The following CELF2 variants were observed in gnomAD, a reference collection of about 807,000 sequenced individuals.
The protein encoded by CELF2 is CUG triplet repeat RNA-binding protein 2.
Under a neutral mutation model 62.6 loss-of-function variants are expected in CELF2, and 8 were observed. That is an observed-to-expected ratio of 0.13 (90% CI 0.07 to 0.23). The LOEUF (loss-of-function observed/expected upper bound fraction) is 0.23. Among genes scored for constraint, CELF2 ranks in the 10% least tolerant of loss-of-function variants. The pLI, the probability that CELF2 is intolerant of heterozygous loss-of-function variation, is 1.00. For missense variants in CELF2, 333 were observed against 671.0 expected, an observed-to-expected ratio of 0.50 and a Z score of 5.56; for synonymous variants, 258 against 250.0, an observed-to-expected ratio of 1.03 and a Z score of -0.30.
At chr10:11,261,730 T>G (rs914957631) in intron 5 of CELF2, among the ~76,000 whole-genome samples, 2 of 152,238 alleles carry the variant, frequency 1.3e-5, no homozygotes, top group African/African-American at 4.8e-5. Context: ...TTTGGGATGC[T>G]CAGCACCTTC....
the CELF2 span, among the ~76,000 whole-genome samples, chr10:10,570,445 G>C: frequency 6.6e-6 from 1 of 151,916 alleles, no homozygotes; most frequent in Non-Finnish European, 1.5e-5. Flanking sequence ...ATTCACCCCA[G>C]GTGAAAGGAA....
At chr10:11,086,360 C>T (rs2141679403) in intron 1 of CELF2, among the ~76,000 whole-genome samples, 1 of 152,100 alleles carries the variant, frequency 6.6e-6, no homozygotes, top group East Asian at 1.9e-4. Context: ...TGAGCTGCGT[C>T]TTTGTGTCTG....
chr10:10,529,776 C>G, the CELF2 span, among the ~76,000 whole-genome samples: 1 of 151,840 alleles, frequency 6.6e-6, no homozygotes, highest in African/African-American at 2.4e-5. Flanking sequence ...AAGCCTAACC[C>G]TGCCTCAGTC....
the CELF2 span, among the ~76,000 whole-genome samples, chr10:10,696,696 A>T: frequency 2.6e-5 from 4 of 152,080 alleles, no homozygotes; most frequent in Admixed American, 2.6e-4. Flanking sequence ...TGTGGGATAT[A>T]GTCTCGTGGT....
the CELF2 span, among the ~76,000 whole-genome samples, chr10:10,553,348 T>G: frequency 3.0e-4 from 45 of 152,216 alleles, no homozygotes; most frequent in African/African-American, 1.0e-3. Flanking sequence ...GAGATCTGGG[T>G]GGAGACACAG....
chr10:10,594,836 G>T, the CELF2 span, among the ~76,000 whole-genome samples: 1 of 151,970 alleles, frequency 6.6e-6, no homozygotes, highest in South Asian at 2.1e-4. Flanking sequence ...ATTCCAAAGG[G>T]TGGGCTGGTT....
the CELF2 span, among the ~76,000 whole-genome samples, chr10:10,634,162 A>G: frequency 1.3e-5 from 2 of 152,110 alleles, no homozygotes; most frequent in Admixed American, 6.5e-5. Context: ...TTAAATCTAT[A>G]TGATGCTATG....
chr10:10,725,744 T>A, the CELF2 span, among the ~76,000 whole-genome samples: 1 of 152,242 alleles, frequency 6.6e-6, no homozygotes, highest in Non-Finnish European at 1.5e-5. Flanking sequence ...TGGCGACGTG[T>A]TATAATCACT....
upstream of CELF2, among the ~76,000 whole-genome samples, chr10:11,003,892 C>A (rs2054780473): frequency 6.6e-6 from 1 of 152,096 alleles, no homozygotes; most frequent in South Asian, 2.1e-4. This position sits in a 1 kb window ranked among gnomAD's most constrained non-coding sequence, Gnocchi z 4.4. Flanking sequence ...ATTTCATGAT[C>A]TGATTTTTGT....
the CELF2 span, among the ~76,000 whole-genome samples, chr10:10,788,272 ACT>A: frequency 1.2e-4 from 18 of 152,026 alleles, no homozygotes; most frequent in Admixed American, 1.1e-3. Context: ...TTTTTCTAAA[ACT>A]ACTTTGTACC....
chr10:10,572,414 C>T, the CELF2 span, among the ~76,000 whole-genome samples: 4 of 151,626 alleles, frequency 2.6e-5, no homozygotes, highest in South Asian at 2.1e-4. Context: ...CATAGGTAAA[C>T]GTGTGCCATG....
intron 1 of CELF2, among the ~76,000 whole-genome samples, chr10:10,809,219 G>C (rs1163340334): frequency 6.6e-6 from 1 of 151,962 alleles, no homozygotes; most frequent in African/African-American, 2.4e-5. Context: ...CTCTGTCTCT[G>C]TCTCTACCAT....
At chr10:10,689,657 C>T in the CELF2 span, among the ~76,000 whole-genome samples, 1 of 152,148 alleles carries the variant, frequency 6.6e-6, no homozygotes, top group African/African-American at 2.4e-5. Flanking sequence ...CCAGAAAAGG[C>T]ATTCAAATCA....
At chr10:11,132,070 CAT>C (rs1299319114) in intron 1 of CELF2, among the ~76,000 whole-genome samples, 3 of 152,212 alleles carry the variant, frequency 2.0e-5, no homozygotes, top group Admixed American at 6.5e-5. Context: ...TATCTGTGCA[CAT>C]GTGTGCCCAA....
At chr10:10,487,395 G>C in the CELF2 span, among the ~76,000 whole-genome samples, 1 of 152,184 alleles carries the variant, frequency 6.6e-6, no homozygotes, top group Admixed American at 6.5e-5. Flanking sequence ...CCAAACAGCA[G>C]CCTGGTTGAT....
intron 1 of CELF2, among the ~76,000 whole-genome samples, chr10:10,909,406 T>C (rs1460864158): frequency 1.3e-5 from 2 of 152,188 alleles, no homozygotes; most frequent in Non-Finnish European, 2.9e-5. Context: ...TAGGGTATCT[T>C]ATCTCTTCAT....
At chr10:10,980,448 C>T (rs771179376) in intron 2 of CELF2, among the ~76,000 whole-genome samples, 53 of 152,224 alleles carry the variant, frequency 3.5e-4, no homozygotes, top group Non-Finnish European at 6.6e-4. Flanking sequence ...GGCAAAAGTC[C>T]ACGTTCTCGT....
the CELF2 span, among the ~76,000 whole-genome samples, chr10:10,523,572 G>A: frequency 1.3e-5 from 2 of 152,166 alleles, no homozygotes; most frequent in African/African-American, 4.8e-5. Flanking sequence ...TCTCACTGAG[G>A]CTGAAATTTC....
chr10:11,175,522 T>C (rs925066827), intron 2 of CELF2, among the ~76,000 whole-genome samples: 2 of 152,162 alleles, frequency 1.3e-5, no homozygotes, highest in Non-Finnish European at 2.9e-5. Flanking sequence ...GCAGGCAACA[T>C]GTAGAGTTTG....
Sources: gnomAD v4.1 joint callset for allele counts (sites outside exome capture counted in the v4.1 genomes callset) on GRCh38, gnomAD v4.1.1 for gene constraint, Gnocchi (gnomAD v3.1) non-coding constraint, MANE v1.5 for transcripts, NCBI Gene and HGNC (gene_info 2026-07-23, HGNC 2026-07-21) for gene names.